The following ATXN7 variants were observed in gnomAD, a reference collection of about 807,000 sequenced individuals.
The protein encoded by ATXN7 is ataxin 7.
ATXN7 carries 12 observed loss-of-function variants against 70.5 expected under a neutral mutation model. The ratio of observed to expected loss-of-function variants is 0.17; its 90% CI spans 0.11 to 0.28. The LOEUF (loss-of-function observed/expected upper bound fraction) is 0.28. Among genes scored for constraint, ATXN7 ranks in the 10% least tolerant of loss-of-function variants. ATXN7 has a pLI of 1.00. For synonymous variants in ATXN7, 498 were observed against 448.7 expected (o/e 1.11, Z -1.39); for missense variants, 1,256 against 1,131.7 (o/e 1.11, Z -1.58).
chr3:63,907,115 A>G (rs1211891086), intron 2 of ATXN7, among the ~76,000 whole-genome samples: 1 of 152,146 alleles, frequency 6.6e-6, no homozygotes, highest in Non-Finnish European at 1.5e-5. Flanking sequence ...TGCACTGTAA[A>G]TTTCTTAATG....
At chr3:63,967,472 A>G (rs969321399) in intron 5 of ATXN7, among the ~76,000 whole-genome samples, 2 of 152,216 alleles carry the variant, frequency 1.3e-5, no homozygotes, top group African/African-American at 4.8e-5. Context: ...AGAAATGTTT[A>G]ACTTTAAGAC....
At chr3:63,943,736 G>A (rs2074809961) in intron 4 of ATXN7, among the ~76,000 whole-genome samples, 1 of 152,190 alleles carries the variant, frequency 6.6e-6, no homozygotes, top group East Asian at 1.9e-4. Context: ...AAAGAAGGAA[G>A]AAACTACAGA....
In ATXN7 at chr3:63,983,012, G is replaced by A; in HGVS notation, c.1086G>A (p.Leu362=). 1 of 1,613,806 alleles carries A rather than the reference G, an allele frequency of 6.2e-7. No homozygotes were observed. Among genetic ancestry groups the A allele is most frequent in the Non-Finnish European group, 8.5e-7 (1 of 1,179,806 alleles). The change falls in exon 8 of 13, where the codon TTG becomes TTA. Residue 362 remains leucine, a synonymous_variant. Transcript: ENST00000674280. ...CCAAGAAGCCCTGCACCCGGTCTTT[G>A]ACATGCAAGGTAGGTGGACTCCTGA... ...LDTKKPCTRS[L]TCKTHSLTQR...
At chr3:63,885,236 C>T (rs1703053071) in intron 1 of ATXN7, among the ~76,000 whole-genome samples, 1 of 152,002 alleles carries the variant, frequency 6.6e-6, no homozygotes, top group Non-Finnish European at 1.5e-5. Context: ...GGGTTGATAT[C>T]TAAAATATAT....
chr3:63,940,018 T>C (rs183360130), intron 4 of ATXN7, among the ~76,000 whole-genome samples: 2 of 151,926 alleles, frequency 1.3e-5, no homozygotes, highest in African/African-American at 4.8e-5. Context: ...GAGGTGGTAA[T>C]GCCAACTGGG....
chr3:63,937,182 G>A (rs570355745), intron 4 of ATXN7, among the ~76,000 whole-genome samples: 1 of 152,272 alleles, frequency 6.6e-6, no homozygotes, highest in South Asian at 2.1e-4. Context: ...ACGTAAATAA[G>A]GCAGTGTGTC....
rs1405573990 is a variant in ATXN7, at chr3:63,996,033, C to G, written c.2211C>G (p.Asn737Lys). 1.2e-6 allele frequency: 2 copies of G among 1,614,070 alleles called. No homozygotes were observed. Among genetic ancestry groups the G allele is most frequent in the African/African-American group, 2.7e-5 (2 of 74,908 alleles). ...SSHSMESFRK[N>K]CVAHSGPPYP... ...ATTCCATGGAGTCTTTTAGGAAAAA[C>G]TGTGTGGCTCACTCTGGGCCTCCCT... is the stretch of plus-strand genomic sequence containing the variant. The change falls in exon 12 of 13, where the codon AAC (asparagine) becomes AAG (lysine). Residue 737 changes from asparagine (N) to lysine (K), a missense_variant. By Grantham distance (94) the Asn-to-Lys change is moderately conservative. Transcript: ENST00000674280.
chr3:63,997,811 A>G (rs1378510213), intron 12 of ATXN7: 3 of 1,463,080 alleles, frequency 2.1e-6, no homozygotes, highest in Non-Finnish European at 2.7e-6. Context: ...GTAGTGTGAT[A>G]TAATTTTCCT....
intron 4 of ATXN7, among the ~76,000 whole-genome samples, chr3:63,948,912 G>T (rs1285027738): frequency 6.6e-6 from 1 of 152,078 alleles, no homozygotes; most frequent in Non-Finnish European, 1.5e-5. Flanking sequence ...ATTAATTCAA[G>T]TACAATTTTT....
intron 11 of ATXN7, among the ~76,000 whole-genome samples, chr3:63,995,161 T>G (rs1301509284): frequency 6.6e-6 from 1 of 151,770 alleles, no homozygotes; most frequent in Admixed American, 6.6e-5. Context: ...ATCCGACACT[T>G]AAAGGATGAG....
At chr3:63,955,899 G>A (rs1048613066) in intron 5 of ATXN7, among the ~76,000 whole-genome samples, 10 of 152,190 alleles carry the variant, frequency 6.6e-5, no homozygotes, top group African/African-American at 1.4e-4. Context: ...ACATGCTACC[G>A]TGGCAGCAAG....
chr3:63,973,207 TAA>T (rs938784788), intron 5 of ATXN7, among the ~76,000 whole-genome samples: 4 of 152,214 alleles, frequency 2.6e-5, no homozygotes, highest in African/African-American at 7.2e-5. Flanking sequence ...GGTAATCTTT[TAA>T]AAAGTGTTTT....
chr3:63,938,257 AC>A (rs1419475766), intron 4 of ATXN7, among the ~76,000 whole-genome samples: 3 of 152,220 alleles, frequency 2.0e-5, no homozygotes, highest in Non-Finnish European at 4.4e-5. Context: ...AATGCATGAT[AC>A]TTTCTTGTGG....
chr3:63,935,896 T>A (rs1326963526), intron 4 of ATXN7, among the ~76,000 whole-genome samples: 1 of 152,202 alleles, frequency 6.6e-6, no homozygotes, highest in Non-Finnish European at 1.5e-5. Flanking sequence ...TAAACAGATA[T>A]GTCGAACCTT....
intron 4 of ATXN7, among the ~76,000 whole-genome samples, chr3:63,923,677 C>A (rs977547325): frequency 2.0e-5 from 3 of 152,052 alleles, no homozygotes; most frequent in African/African-American, 7.2e-5. Flanking sequence ...ACCTGTAATC[C>A]CAGCTACTCA....
chr3:63,899,633 A>T (rs1335344230), intron 2 of ATXN7, among the ~76,000 whole-genome samples: 1 of 151,100 alleles, frequency 6.6e-6, no homozygotes, highest in Admixed American at 6.6e-5. Context: ...CTTTTTTTTG[A>T]GACCTTTTCT....
Position 63,988,191 on chromosome 3 carries a change from C to T in ATXN7, c.1228C>T (p.Pro410Ser). 1 of 1,614,036 alleles carries T rather than the reference C, an allele frequency of 6.2e-7. No individual in the cohort carries two copies. The highest frequency in any genetic ancestry group is 8.5e-7 in the Non-Finnish European group (1 of 1,179,982). Residue 410 changes from proline to serine, a missense_variant, in exon 9 of 13, where the codon CCT (proline) becomes TCT (serine). Physicochemically the swap from Pro to Ser is moderately conservative, Grantham distance 74. Transcript: ENST00000674280. ...TCCGGACTCTCAGCAACCACCGCAG[C>T]CTCTCAGGGACCCGCATCCCGCCCC... is the stretch of plus-strand genomic sequence containing the variant. The part of the protein sequence containing the change: ...RHPDSQQPPQ[P>S]LRDPHPAPPR...
At chr3:63,999,197 T>G (rs2075805509) in intron 12 of ATXN7, 1 of 439,702 alleles carries the variant, frequency 2.3e-6, no homozygotes, top group Admixed American at 3.6e-5. Flanking sequence ...TTCTCTAAGT[T>G]AGAAACCCAG....
At chr3:63,880,300 G>T (rs542899339) in intron 1 of ATXN7, among the ~76,000 whole-genome samples, 2 of 152,250 alleles carry the variant, frequency 1.3e-5, no homozygotes, top group East Asian at 1.9e-4. Flanking sequence ...GATGTAGTCT[G>T]TCTTTATCAG....
Sources: allele counts gnomAD v4.1 joint callset (sites outside exome capture counted in the v4.1 genomes callset), GRCh38; gene constraint gnomAD v4.1.1; transcripts MANE v1.5; gene names NCBI Gene and HGNC (gene_info 2026-07-23, HGNC 2026-07-21).